DNM3: variants seen among roughly 807,000 people sequenced by gnomAD.
The protein encoded by DNM3 is dynamin-3.
In DNM3, 47 loss-of-function variants were observed where a neutral mutation model predicts 101.6. The observed-to-expected ratio is 0.46, with a 90% CI of 0.37 to 0.59. The LOEUF is 0.59. DNM3 is among the 20% of genes least tolerant of loss of function. The probability of loss-of-function intolerance (pLI) is 0.00; values close to 1 mark genes in which losing one functional copy is unlikely to be tolerated. For missense variants in DNM3, 849 were observed against 1,085.7 expected (o/e 0.78, Z 3.06); for synonymous variants, 385 against 387.9 (o/e 0.99, Z 0.09).
intron 20 of DNM3, chr1:172,393,168 G>A (rs1262498294): frequency 6.6e-6 from 1 of 152,152 alleles, no homozygotes; most frequent in Non-Finnish European, 1.5e-5. Context: ...CTTCTACATA[G>A]GCAATCAATG....
chr1:172,217,646 C>T (rs1255389279), intron 14 of DNM3, among the ~76,000 whole-genome samples: 1 of 152,104 alleles, frequency 6.6e-6, no homozygotes, highest in Non-Finnish European at 1.5e-5. Context: ...AAAATTTAGC[C>T]TGTATCTTAC....
intron 13 of DNM3, among the ~76,000 whole-genome samples, chr1:172,096,096 C>A (rs2054227262): frequency 6.6e-6 from 1 of 152,182 alleles, no homozygotes. Flanking sequence ...CTAGCTACTG[C>A]TGACCCTTCA....
At chr1:172,325,728 G>C (rs370641449) in intron 17 of DNM3, among the ~76,000 whole-genome samples, 3 of 152,058 alleles carry the variant, frequency 2.0e-5, no homozygotes, top group Non-Finnish European at 2.9e-5. Context: ...TGTCCCCAAG[G>C]CAACATACCT....
intron 15 of DNM3, among the ~76,000 whole-genome samples, chr1:172,277,838 C>T (rs115471196): frequency 1.6e-3 from 240 of 152,050 alleles, no homozygotes; most frequent in African/African-American, 5.5e-3. Context: ...GAATAAGAAG[C>T]CTTGAATAAA....
chr1:172,222,999 A>T (rs952564238), intron 14 of DNM3, among the ~76,000 whole-genome samples: 3 of 152,204 alleles, frequency 2.0e-5, no homozygotes, highest in Non-Finnish European at 2.9e-5. Context: ...TGATGTTTCC[A>T]TACACGTATA....
chr1:172,335,964 C>CA (rs916246595), intron 17 of DNM3, among the ~76,000 whole-genome samples: 1 of 151,606 alleles, frequency 6.6e-6, no homozygotes, highest in Non-Finnish European at 1.5e-5. Context: ...GTCAAAAAGT[C>CA]AAAAAAAGAA....
At chr1:172,418,341 T>C in exon 21 of DNM3, 1 of 1,288,158 alleles carries the variant, frequency 7.8e-7, no homozygotes, top group South Asian at 1.2e-5. Flanking sequence ...TCTCCTTTTG[T>C]TTCCAACAAC....
chr1:171,936,617 G>A (rs1558293047), intron 2 of DNM3, among the ~76,000 whole-genome samples: 1 of 152,018 alleles, frequency 6.6e-6, no homozygotes, highest in Non-Finnish European at 1.5e-5. Flanking sequence ...AGGTTTTCTT[G>A]CTATTTCTTC....
rs555811663 is a variant in DNM3 at position 172,019,045 on chromosome 1, C to T, written c.590-13357C>T. Among the ~76,000 whole-genome samples, 12 of 137,558 alleles carry T rather than the reference C, an allele frequency of 8.7e-5. No individual in the cohort carries two copies. In the South Asian group the frequency reaches 3.0e-3, roughly 34 times the overall value. The allele number at this position is 137,558 out of a possible 152,430, so 90.2% of individuals were successfully genotyped here. On this transcript the variant is annotated intron_variant, in intron 4 of 20. Transcript: ENST00000627582. ...CCTCCCTCCCTTCCTCCCTCCCTTC[C>T]TCCTTTCTTCCCTCCCTTCTTTCCT...
intron 4 of DNM3, among the ~76,000 whole-genome samples, chr1:172,031,165 G>A (rs7520595): frequency 0.4 from 61,117 of 151,986 alleles, 13,267 homozygotes; most frequent in East Asian, 0.64. Flanking sequence ...ATGGCCATCA[G>A]TGATAGACTG....
At chr1:172,302,030 T>C (rs943265111) in intron 15 of DNM3, among the ~76,000 whole-genome samples, 2 of 152,144 alleles carry the variant, frequency 1.3e-5, no homozygotes, top group Non-Finnish European at 2.9e-5. Flanking sequence ...TGCGACCAGT[T>C]GGACAGTGAG....
At chr1:172,185,029 G>A (rs1274014324) in intron 14 of DNM3, among the ~76,000 whole-genome samples, 1 of 152,060 alleles carries the variant, frequency 6.6e-6, no homozygotes, top group Non-Finnish European at 1.5e-5. Flanking sequence ...AAAAAAAAAG[G>A]GAGGCTGGAA....
At chr1:172,126,951 C>A (rs1224317829) in intron 13 of DNM3, among the ~76,000 whole-genome samples, 1 of 152,104 alleles carries the variant, frequency 6.6e-6, no homozygotes, top group Non-Finnish European at 1.5e-5. Flanking sequence ...TTTTCTACAT[C>A]ACGTGTGCAA....
chr1:171,927,297 C>A (rs1414502137), intron 2 of DNM3, among the ~76,000 whole-genome samples: 1 of 151,904 alleles, frequency 6.6e-6, no homozygotes, highest in Non-Finnish European at 1.5e-5. Flanking sequence ...ATAAATAAAC[C>A]CATGTCATGG....
intron 16 of DNM3, among the ~76,000 whole-genome samples, chr1:172,322,228 A>G (rs899787600): frequency 1.7e-4 from 26 of 152,154 alleles, no homozygotes; most frequent in African/African-American, 5.8e-4. Flanking sequence ...ACTTAAAACT[A>G]AATGCCAAAT....
intron 11 of DNM3, among the ~76,000 whole-genome samples, chr1:172,077,491 G>T (rs192476562): frequency 6.6e-6 from 1 of 152,086 alleles, no homozygotes; most frequent in South Asian, 2.1e-4. Context: ...TAACTGTGTC[G>T]CAGAGATTCT....
At chr1:172,022,288 T>A (rs916841459) in intron 4 of DNM3, among the ~76,000 whole-genome samples, 1 of 152,138 alleles carries the variant, frequency 6.6e-6, no homozygotes, top group African/African-American at 2.4e-5. Context: ...TTTAGCTGGA[T>A]CTTTAGGTTT....
chr1:172,046,444 T>C (rs2049812434), intron 9 of DNM3, among the ~76,000 whole-genome samples: 1 of 151,964 alleles, frequency 6.6e-6, no homozygotes. Context: ...TTAGGAGATA[T>C]ACCTAATGCT....
Position 172,235,654 on chromosome 1 carries a change from A to T in DNM3, c.1660-17919A>T, listed in dbSNP as rs187901272. Among the ~76,000 whole-genome samples, 181 of 152,352 alleles carry T rather than the reference A, an allele frequency of 1.2e-3. 1 individual carries two copies. Among genetic ancestry groups the T allele is most frequent in the African/African-American group, 4.0e-3 (168 of 41,596 alleles). ...ATGTGGCACATATACACCATGGAAT[A>T]CTATGAACCCATAAAAAATGATGAG... On this transcript the variant is annotated intron_variant, in intron 14 of 20. Coordinates refer to ENST00000627582, the MANE Select transcript of DNM3 (RefSeq NM_015569.5).
Sources: gnomAD v4.1 joint callset for allele counts (sites outside exome capture counted in the v4.1 genomes callset) on GRCh38, gnomAD v4.1.1 for gene constraint, MANE v1.5 for transcripts, NCBI Gene and HGNC (gene_info 2026-07-23, HGNC 2026-07-21) for gene names.